Variants in DIPK1A observed in about 807,000 individuals in gnomAD.
DIPK1A encodes family with sequence similarity 69 member A.
DIPK1A carries 27 observed loss-of-function variants against 40.8 expected under a neutral mutation model. The ratio of observed to expected loss-of-function variants is 0.66; its 90% CI spans 0.49 to 0.91. The LOEUF (loss-of-function observed/expected upper bound fraction) is 0.91. Ranked by LOEUF, DIPK1A falls within the 40% of genes least tolerant of loss-of-function variation. DIPK1A has a pLI of 0.00. For missense variants in DIPK1A, 412 were observed against 505.7 expected (o/e 0.81, Z 1.78); for synonymous variants, 166 against 171.3 (o/e 0.97, Z 0.24).
At chr1:92,891,955 G>A (rs1182664235) in intron 1 of DIPK1A, among the ~76,000 whole-genome samples, 1 of 151,474 alleles carries the variant, frequency 6.6e-6, no homozygotes, top group Admixed American at 6.6e-5. Context: ...CAGCGAGGCT[G>A]GGGGAGGGGT....
At chr1:92,833,072 A>C in intron 4 of DIPK1A, 2 of 720,306 alleles carry the variant, frequency 2.8e-6, no homozygotes, top group Non-Finnish European at 5.1e-6. Flanking sequence ...AGCGTTTAAA[A>C]CCTTTTGAAA....
intron 1 of DIPK1A, among the ~76,000 whole-genome samples, chr1:92,941,494 T>C (rs1347814472): frequency 1.3e-5 from 2 of 152,246 alleles, no homozygotes; most frequent in African/African-American, 4.8e-5. Context: ...TGCAAAAAAC[T>C]GTTATCTAGT....
intron 1 of DIPK1A, among the ~76,000 whole-genome samples, chr1:92,926,073 A>T (rs1480794019): frequency 6.6e-6 from 1 of 151,926 alleles, no homozygotes; most frequent in Admixed American, 6.6e-5. Context: ...TAATTAATTG[A>T]TATCTGCTAT....
At chr1:92,855,033 C>T (rs749983607) in intron 2 of DIPK1A, among the ~76,000 whole-genome samples, 1 of 151,442 alleles carries the variant, frequency 6.6e-6, no homozygotes, top group South Asian at 2.1e-4. Flanking sequence ...AGTTGAAGTC[C>T]CATAGCTCAA....
At chr1:92,836,989 G>C (rs1398488399) in intron 4 of DIPK1A, 1 of 262,568 alleles carries the variant, frequency 3.8e-6, no homozygotes, top group Non-Finnish European at 7.5e-6. Flanking sequence ...TTTTTGGTAA[G>C]CCTAAAATAC....
At chr1:92,950,069 C>A (rs368057478) in intron 1 of DIPK1A, among the ~76,000 whole-genome samples, 2 of 152,104 alleles carry the variant, frequency 1.3e-5, no homozygotes, top group Admixed American at 6.6e-5. Context: ...CATGCACTCG[C>A]AGTTTGGGTC....
intron 1 of DIPK1A, among the ~76,000 whole-genome samples, chr1:92,888,015 C>T (rs1314852726): frequency 6.6e-6 from 1 of 151,770 alleles, no homozygotes; most frequent in African/African-American, 2.4e-5. Flanking sequence ...TCACCTCAAA[C>T]GTTGATCATT....
At chr1:92,928,786 A>G (rs1650620520) in intron 1 of DIPK1A, among the ~76,000 whole-genome samples, 1 of 152,106 alleles carries the variant, frequency 6.6e-6, no homozygotes, top group South Asian at 2.1e-4. Flanking sequence ...ACATGGCAAA[A>G]CCCCGACTCT....
intron 1 of DIPK1A, among the ~76,000 whole-genome samples, chr1:92,948,701 A>ATG (rs1651494313): frequency 7.3e-6 from 1 of 137,004 alleles, no homozygotes. Flanking sequence ...ATATACACAT[A>ATG]TGTATATACA....
intron 1 of DIPK1A, among the ~76,000 whole-genome samples, chr1:92,907,423 G>A (rs956882653): frequency 2.6e-5 from 4 of 152,094 alleles, no homozygotes; most frequent in African/African-American, 9.7e-5. Context: ...AATGTTCTGT[G>A]CTTTAATTTT....
chr1:92,841,879 CTA>C, downstream of DIPK1A: 2 of 1,599,632 alleles, frequency 1.3e-6, no homozygotes, highest in Non-Finnish European at 1.7e-6. Context: ...CAGCAATTTT[CTA>C]TGATTTTTTC....
intron 2 of DIPK1A, among the ~76,000 whole-genome samples, chr1:92,875,089 A>T (rs1363896578): frequency 1.3e-5 from 2 of 152,122 alleles, no homozygotes; most frequent in African/African-American, 4.8e-5. Context: ...GTGTTTTTGT[A>T]TCCTAACTGA....
chr1:92,934,596 T>C (rs151055874), intron 1 of DIPK1A, among the ~76,000 whole-genome samples: 109 of 152,354 alleles, frequency 7.2e-4, no homozygotes, highest in African/African-American at 2.4e-3. Context: ...CAGCATATAC[T>C]GGAAGGTTTC....
At chr1:92,920,800 A>C (rs907841492) in intron 1 of DIPK1A, among the ~76,000 whole-genome samples, 1 of 152,232 alleles carries the variant, frequency 6.6e-6, no homozygotes, top group African/African-American at 2.4e-5. Context: ...GGTACTGCAG[A>C]GGCAGGGCAA....
At chr1:92,868,905 G>A (rs954948105) in intron 2 of DIPK1A, among the ~76,000 whole-genome samples, 3 of 150,298 alleles carry the variant, frequency 2.0e-5, no homozygotes, top group Admixed American at 6.7e-5. Flanking sequence ...GGTGGAGGTT[G>A]TGGTGAGCTG....
downstream of DIPK1A, among the ~76,000 whole-genome samples, chr1:92,838,177 A>G (rs1165587872): frequency 3.3e-5 from 5 of 152,298 alleles, no homozygotes; most frequent in Non-Finnish European, 7.3e-5. Flanking sequence ...GCTATTGGTT[A>G]GGAAAATTTT....
chr1:92,893,736 G>A (rs974066716), intron 1 of DIPK1A, among the ~76,000 whole-genome samples: 2 of 151,980 alleles, frequency 1.3e-5, no homozygotes, highest in Non-Finnish European at 2.9e-5. Flanking sequence ...AGACCCATCA[G>A]TGTGCTGTAT....
At chr1:92,894,360 C>T (rs2492292) in intron 1 of DIPK1A, among the ~76,000 whole-genome samples, 103,925 of 151,824 alleles carry the variant, frequency 0.68, 36,136 homozygotes, top group East Asian at 0.95. Flanking sequence ...CACTCAAAAC[C>T]GCTCAACTAC....
chr1:92,913,391 A>C (rs955792321), intron 1 of DIPK1A, among the ~76,000 whole-genome samples: 7 of 152,070 alleles, frequency 4.6e-5, no homozygotes, highest in African/African-American at 1.4e-4. Context: ...AAAAAGGGGA[A>C]AATACTGGTC....
Sources: allele counts gnomAD v4.1 joint callset (sites outside exome capture counted in the v4.1 genomes callset), GRCh38; gene constraint gnomAD v4.1.1; transcripts MANE v1.5; gene names NCBI Gene and HGNC (gene_info 2026-07-23, HGNC 2026-07-21).